LRRC37A: variants seen among roughly 807,000 people sequenced by gnomAD.
LRRC37A encodes leucine-rich repeat-containing protein 37A.
LRRC37A carries 3 observed loss-of-function variants against 35.4 expected under a neutral mutation model. The observed-to-expected ratio is 0.08, with a 90% CI of 0.04 to 0.22. The LOEUF is 0.22. Ranked by LOEUF, LRRC37A falls within the 10% of genes least tolerant of loss-of-function variation. LRRC37A has a pLI of 1.00. For synonymous variants in LRRC37A, 23 were observed against 215.0 expected, an observed-to-expected ratio of 0.11 and a Z score of 7.81; for missense variants, 67 against 565.3, an observed-to-expected ratio of 0.12 and a Z score of 8.94.
chr17:46,271,020 A>AGT, the LRRC37A span, among the ~76,000 whole-genome samples: 5 of 152,300 alleles, frequency 3.3e-5, no homozygotes, highest in African/African-American at 9.6e-5. Context: ...AGTATCTAGA[A>AGT]ATACCTTAGA....
At chr17:46,265,438 C>T in the LRRC37A span, among the ~76,000 whole-genome samples, 1 of 151,016 alleles carries the variant, frequency 6.6e-6, no homozygotes, top group African/African-American at 2.4e-5. Flanking sequence ...TCTTCCTCTT[C>T]CTCTCCTCCT....
At chr17:46,278,473 C>T in the LRRC37A span, among the ~76,000 whole-genome samples, 2 of 151,046 alleles carry the variant, frequency 1.3e-5, no homozygotes, top group Non-Finnish European at 2.9e-5. Context: ...GGTGTGATCT[C>T]AGCTCACTGC....
chr17:46,278,364 CTTTT>C, the LRRC37A span, among the ~76,000 whole-genome samples: 2 of 151,152 alleles, frequency 1.3e-5, no homozygotes, highest in Non-Finnish European at 2.9e-5. Flanking sequence ...GAGTCCTAGT[CTTTT>C]TTGTTTTGTT....
chr17:46,275,464 GA>G, the LRRC37A span: 1 of 782,978 alleles, frequency 1.3e-6, no homozygotes. Context: ...TTTCATTTTT[GA>G]AAATGATGCT....
chr17:46,254,606 G>A, the LRRC37A span, among the ~76,000 whole-genome samples: 3 of 151,118 alleles, frequency 2.0e-5, no homozygotes, highest in Non-Finnish European at 2.9e-5. Flanking sequence ...CAGTGGCGCG[G>A]TCTTGGCTCA....
At chr17:46,256,529 A>G in the LRRC37A span, among the ~76,000 whole-genome samples, 1 of 152,218 alleles carries the variant, frequency 6.6e-6, no homozygotes, top group Admixed American at 6.6e-5. Context: ...CAATTGTGCT[A>G]TCACCCTGAT....
the LRRC37A span, chr17:46,268,660 AAATTCAAGGTGC>A: frequency 2.0e-6 from 3 of 1,537,828 alleles, no homozygotes; most frequent in African/African-American, 4.2e-5. Context: ...AGGGAAGGGC[AAATTCAAGGTGC>A]AATTCATACC....
the LRRC37A span, among the ~76,000 whole-genome samples, chr17:46,271,332 A>ATTTTTTTTTTTTTTTTTTTTTT: frequency 8.0e-6 from 1 of 125,664 alleles, no homozygotes; most frequent in Non-Finnish European, 1.6e-5. Context: ...TACCTAGCTA[A>ATTTTTTTTTTTTTTTTTTTTTT]TTTTTTTTTT....
At chr17:46,289,096 C>T (rs1042346128), upstream of LRRC37A, among the ~76,000 whole-genome samples, 21 of 152,232 alleles carry the variant, frequency 1.4e-4, no homozygotes, top group African/African-American at 5.1e-4. Flanking sequence ...ATGATCAAAG[C>T]AAACTATATT....
the LRRC37A span, among the ~76,000 whole-genome samples, chr17:46,273,505 A>G: frequency 6.6e-6 from 1 of 152,234 alleles, no homozygotes; most frequent in African/African-American, 2.4e-5. Context: ...TTCTTTTAAG[A>G]AACCAAGGTC....
chr17:46,324,103 T>G (rs1316168341), intron 7 of LRRC37A, among the ~76,000 whole-genome samples: 8 of 121,278 alleles, frequency 6.6e-5, no homozygotes, highest in South Asian at 3.2e-4. Flanking sequence ...AAATGCCATC[T>G]CTACTAAAAA....
At chr17:46,260,832 A>T in the LRRC37A span, among the ~76,000 whole-genome samples, 6 of 152,152 alleles carry the variant, frequency 3.9e-5, no homozygotes, top group Admixed American at 3.3e-4. Flanking sequence ...CCTGTTGGTC[A>T]GGCTGGTCTC....
chr17:46,264,549 GA>G, the LRRC37A span, among the ~76,000 whole-genome samples: 1 of 152,248 alleles, frequency 6.6e-6, no homozygotes, highest in Non-Finnish European at 1.5e-5. Flanking sequence ...TATAGAAAGA[GA>G]ATGCTACCCA....
At chr17:46,273,444 C>T in the LRRC37A span, among the ~76,000 whole-genome samples, 1 of 152,212 alleles carries the variant, frequency 6.6e-6, no homozygotes, top group Non-Finnish European at 1.5e-5. Flanking sequence ...CCAGAATAAC[C>T]TGTACACCTG....
chr17:46,253,230 G>C, the LRRC37A span, among the ~76,000 whole-genome samples: 2 of 146,340 alleles, frequency 1.4e-5, no homozygotes, highest in Non-Finnish European at 3.0e-5. Flanking sequence ...TCAGACGATG[G>C]GCGGCCGGGC....
the LRRC37A span, among the ~76,000 whole-genome samples, chr17:46,253,555 C>A: frequency 1.3e-5 from 2 of 152,216 alleles, no homozygotes; most frequent in African/African-American, 4.8e-5. Context: ...GAGACCAGCC[C>A]GGCCAACGCA....
upstream of LRRC37A, among the ~76,000 whole-genome samples, chr17:46,288,706 C>CTTTCTTTTTT (rs2049986251): frequency 7.2e-6 from 1 of 139,060 alleles, no homozygotes; most frequent in Non-Finnish European, 1.6e-5. Flanking sequence ...CTTGTTTTTT[C>CTTTCTTTTTT]TTTTTTTTTT....
the LRRC37A span, among the ~76,000 whole-genome samples, chr17:46,254,545 A>ATTT: frequency 7.6e-6 from 1 of 132,286 alleles, no homozygotes; most frequent in South Asian, 2.2e-4. Context: ...TGCCCAGCTA[A>ATTT]TTTTTTTTTT....
At chr17:46,268,708 G>T in the LRRC37A span, 2 of 1,449,152 alleles carry the variant, frequency 1.4e-6, no homozygotes, top group South Asian at 3.0e-5. Context: ...AACCATCCTG[G>T]CATTTCTGGA....
Sources: allele counts gnomAD v4.1 joint callset (sites outside exome capture counted in the v4.1 genomes callset), GRCh38; gene constraint gnomAD v4.1.1; transcripts MANE v1.5; gene names NCBI Gene and HGNC (gene_info 2026-07-23, HGNC 2026-07-21).